PLA2G4A: variants seen among roughly 807,000 people sequenced by gnomAD.
PLA2G4A encodes the protein cytosolic phospholipase A2.
In PLA2G4A, 40 loss-of-function variants were observed where a neutral mutation model predicts 81.9. The observed-to-expected ratio is 0.49, with a 90% CI of 0.38 to 0.64. The LOEUF (loss-of-function observed/expected upper bound fraction) is 0.64. PLA2G4A is among the 30% of genes least tolerant of loss of function. The pLI is 0.00. For synonymous variants in PLA2G4A, 302 were observed against 296.9 expected, an observed-to-expected ratio of 1.02 and a Z score of -0.18; for missense variants, 715 against 905.1, an observed-to-expected ratio of 0.79 and a Z score of 2.69.
chr1:186,870,775 A>G, intron 3 of PLA2G4A: 5 of 1,458,116 alleles, frequency 3.4e-6, no homozygotes, highest in Non-Finnish European at 4.7e-6. Flanking sequence ...TTTGCTGTTA[A>G]ACGTATAATT....
intron 14 of PLA2G4A, among the ~76,000 whole-genome samples, chr1:186,958,712 A>G (rs892410004): frequency 1.3e-5 from 2 of 152,078 alleles, no homozygotes; most frequent in African/African-American, 4.8e-5. Context: ...TTCTTTGTGT[A>G]TACTTTATTC....
intron 10 of PLA2G4A, among the ~76,000 whole-genome samples, chr1:186,942,143 A>G (rs1571425095): frequency 6.6e-6 from 1 of 152,178 alleles, no homozygotes. Context: ...GGTGTGCTCA[A>G]TGGCAACAAG....
At chr1:186,864,194 C>T (rs941871050) in intron 2 of PLA2G4A, among the ~76,000 whole-genome samples, 5 of 152,042 alleles carry the variant, frequency 3.3e-5, no homozygotes, top group Admixed American at 2.6e-4. Context: ...TTTATCCATT[C>T]ATCCATTGAT....
intron 2 of PLA2G4A, among the ~76,000 whole-genome samples, chr1:186,863,766 T>TTC (rs1652905341): frequency 2.1e-5 from 3 of 145,110 alleles, no homozygotes; most frequent in African/African-American, 7.9e-5. Context: ...ATATAATTTT[T>TTC]TTTTTTTTTT....
chr1:186,876,921 T>C (rs898950251), intron 3 of PLA2G4A, among the ~76,000 whole-genome samples: 4 of 152,116 alleles, frequency 2.6e-5, no homozygotes. Context: ...TAGGGCGACC[T>C]GCTTAATCCT....
At chr1:186,930,853 C>A (rs1655719703) in intron 7 of PLA2G4A, among the ~76,000 whole-genome samples, 1 of 152,192 alleles carries the variant, frequency 6.6e-6, no homozygotes, top group African/African-American at 2.4e-5. Context: ...AAATTGCATA[C>A]CCTTTCCTGC....
intron 3 of PLA2G4A, among the ~76,000 whole-genome samples, chr1:186,880,617 C>T (rs895763867): frequency 6.6e-6 from 1 of 151,844 alleles, no homozygotes; most frequent in South Asian, 2.1e-4. Flanking sequence ...TTAAGAATCT[C>T]TTTTTAATGA....
chr1:186,905,026 T>C (rs1009977410), intron 5 of PLA2G4A, among the ~76,000 whole-genome samples: 1 of 152,138 alleles, frequency 6.6e-6, no homozygotes, highest in African/African-American at 2.4e-5. Flanking sequence ...GGATAATTTT[T>C]GTATTTTTAG....
At chr1:186,950,031 A>G (rs1656500780) in intron 12 of PLA2G4A, among the ~76,000 whole-genome samples, 1 of 152,146 alleles carries the variant, frequency 6.6e-6, no homozygotes, top group Non-Finnish European at 1.5e-5. Context: ...TAAAAAACAT[A>G]AAGAAGAAAG....
rs1655057816 is a variant in PLA2G4A, at chr1:186,914,100, T to G, written c.558+2711T>G. ...TTGTTTTGTTTTGTTTTTTTGTGTT[T>G]TTTTTTTGAGACAGGGTTTTGCTTT... is the stretch of plus-strand genomic sequence containing the variant. On this transcript the variant is annotated intron_variant, in intron 7 of 17. Transcript: ENST00000367466. Among the ~76,000 whole-genome samples, 2 of 151,990 alleles carry G rather than the reference T, an allele frequency of 1.3e-5. 1 individual carries two copies. The highest frequency in any genetic ancestry group is 4.8e-5 in the African/African-American group (2 of 41,412).
At chr1:186,974,133 A>G (rs1403566860) in intron 15 of PLA2G4A, among the ~76,000 whole-genome samples, 1 of 151,942 alleles carries the variant, frequency 6.6e-6, no homozygotes, top group Admixed American at 6.6e-5. Flanking sequence ...TTTTACATGT[A>G]AATGAATGAA....
At chr1:186,932,553 G>A (rs1391008391) in intron 7 of PLA2G4A, among the ~76,000 whole-genome samples, 1 of 151,828 alleles carries the variant, frequency 6.6e-6, no homozygotes. Context: ...CACCCGCCTC[G>A]GCCTCCCAAA....
chr1:186,973,095 T>C (rs1446138896), intron 15 of PLA2G4A, among the ~76,000 whole-genome samples: 1 of 152,304 alleles, frequency 6.6e-6, no homozygotes, highest in Admixed American at 6.5e-5. Flanking sequence ...TCTCTTGTAC[T>C]AGTTTCCTGG....
At chr1:186,838,395 C>G (rs1458597167) in intron 1 of PLA2G4A, among the ~76,000 whole-genome samples, 1 of 152,116 alleles carries the variant, frequency 6.6e-6, no homozygotes, top group Non-Finnish European at 1.5e-5. Flanking sequence ...AAAACCAAAT[C>G]TAAACAAAAA....
At position 186,988,780 on chromosome 1, in the gene PLA2G4A, T is replaced by C. The variant is rs991675359; in HGVS notation, c.*272T>C. 8.1e-6 allele frequency: 2 copies of C among 246,484 alleles called. No homozygotes were observed. Among genetic ancestry groups the C allele is most frequent in the Non-Finnish European group, 1.6e-5 (2 of 124,114 alleles). 15.3% of individuals were successfully genotyped at this position (246,484 alleles called of 1,614,324 possible). On this transcript the variant is annotated 3_prime_UTR_variant, in exon 18 of 18. Transcript: ENST00000367466. ...GGATATATACTGTATTTTTAAACAT[T>C]TCTCACCAACTTTCTTATGTGTGTT...
chr1:186,857,862 C>A (rs1395437656), intron 2 of PLA2G4A, among the ~76,000 whole-genome samples: 2 of 152,046 alleles, frequency 1.3e-5, no homozygotes, highest in Admixed American at 6.6e-5. Context: ...GTTTGGTTTT[C>A]TGTTCCTGTG....
intron 2 of PLA2G4A, among the ~76,000 whole-genome samples, chr1:186,870,115 C>T (rs976316064): frequency 2.0e-5 from 3 of 152,076 alleles, no homozygotes; most frequent in African/African-American, 7.2e-5. Flanking sequence ...GCCAGGGCTT[C>T]CTAGTCAACA....
At position 186,857,083 on chromosome 1, in the gene PLA2G4A, A is replaced by AT. The variant is rs367748309; in HGVS notation, c.33+2697dup. Among the ~76,000 whole-genome samples, 16 of 5,882 alleles carry AT rather than the reference A, an allele frequency of 2.7e-3. 1 individual carries two copies. The highest frequency in any genetic ancestry group is 0.016 in the African/African-American group (13 of 816). The allele number at this position is 5,882 out of a possible 152,430, so 3.9% of individuals were successfully genotyped here. ...CATGCAGCCCCCACATATATTATAC[A>AT]TATATAATATATAATATAATTATAT... On this transcript the variant is annotated intron_variant, in intron 2 of 17. Coordinates refer to ENST00000367466, the MANE Select transcript of PLA2G4A (RefSeq NM_024420.3).
chr1:186,866,856 T>C (rs971024901), intron 2 of PLA2G4A, among the ~76,000 whole-genome samples: 1 of 152,108 alleles, frequency 6.6e-6, no homozygotes, highest in Non-Finnish European at 1.5e-5. Flanking sequence ...TTCAAGAGCA[T>C]TTTCTCATTG....
Sources: gnomAD v4.1 joint callset for allele counts (sites outside exome capture counted in the v4.1 genomes callset) on GRCh38, gnomAD v4.1.1 for gene constraint, MANE v1.5 for transcripts, NCBI Gene and HGNC (gene_info 2026-07-23, HGNC 2026-07-21) for gene names.